LRRC7: variants seen among roughly 807,000 people sequenced by gnomAD.
LRRC7 encodes leucine-rich repeat-containing protein 7.
LRRC7 carries 23 observed loss-of-function variants against 175.7 expected under a neutral mutation model. The ratio of observed to expected loss-of-function variants is 0.13; its 90% CI spans 0.09 to 0.19. The LOEUF (loss-of-function observed/expected upper bound fraction) is 0.19. Ranked by LOEUF, LRRC7 falls within the 10% of genes least tolerant of loss-of-function variation. LRRC7 has a pLI of 1.00. For missense variants in LRRC7, 1,354 were observed against 1,904.7 expected, an observed-to-expected ratio of 0.71 and a Z score of 5.38; for synonymous variants, 685 against 680.9, an observed-to-expected ratio of 1.01 and a Z score of -0.09.
At chr1:69,887,635 G>A (rs1213634606) in intron 7 of LRRC7, among the ~76,000 whole-genome samples, 6 of 152,292 alleles carry the variant, frequency 3.9e-5, no homozygotes, top group South Asian at 2.1e-4. Flanking sequence ...GTCATTCTCT[G>A]TCCAGCTTTG....
In LRRC7 at chr1:70,140,475, T is replaced by C. The variant is rs1571412350; in HGVS notation, c.*18588T>C. 1 of 152,258 alleles carries C rather than the reference T, an allele frequency of 6.6e-6. No homozygotes were observed. The highest frequency in any genetic ancestry group is 1.5e-5 in the Non-Finnish European group (1 of 68,002). 9.4% of individuals were successfully genotyped at this position (152,258 alleles called of 1,614,324 possible). ...ATGTAGAAATCAACTCCCTATCAAT[T>C]TTCTACATTTAATCCTTGGCTTCTT... On this transcript the variant is annotated 3_prime_UTR_variant, in exon 27 of 27. Transcript: ENST00000651989.
intron 17 of LRRC7, among the ~76,000 whole-genome samples, chr1:70,027,201 T>G (rs17097485): frequency 0.24 from 36,675 of 152,082 alleles, 4,470 homozygotes; most frequent in Non-Finnish European, 0.25. Context: ...TGCAAAACAG[T>G]ATTGTTGGAA....
chr1:70,107,122 A>C (rs1665200454), intron 25 of LRRC7, among the ~76,000 whole-genome samples: 1 of 152,240 alleles, frequency 6.6e-6, no homozygotes, highest in South Asian at 2.1e-4. Context: ...CAATGAAATT[A>C]ATTTGACTTT....
intron 3 of LRRC7, among the ~76,000 whole-genome samples, chr1:69,776,474 A>T (rs1437032406): frequency 6.6e-6 from 1 of 152,164 alleles, no homozygotes; most frequent in Non-Finnish European, 1.5e-5. Context: ...TTCTTCCAAA[A>T]TGTATGTGGA....
chr1:69,623,043 G>A (rs1650890423), intron 1 of LRRC7, among the ~76,000 whole-genome samples: 1 of 152,114 alleles, frequency 6.6e-6, no homozygotes, highest in African/African-American at 2.4e-5. Context: ...GTAAATCAGA[G>A]TTCAGGTTTT....
At chr1:70,113,755 T>C (rs1022139173) in intron 26 of LRRC7, among the ~76,000 whole-genome samples, 11 of 152,044 alleles carry the variant, frequency 7.2e-5, no homozygotes, top group Non-Finnish European at 1.6e-4. Flanking sequence ...CATGGTCAAC[T>C]AAGTTTTGAA....
chr1:69,919,274 T>C (rs959612279), intron 7 of LRRC7: 2 of 494,106 alleles, frequency 4.0e-6, no homozygotes, highest in Non-Finnish European at 3.6e-6. Flanking sequence ...CAGCCAAATG[T>C]ATTTGCTAGA....
chr1:69,594,923 A>G lies in LRRC7; in HGVS notation c.2+26282A>G, dbSNP rs531615923. Among the ~76,000 whole-genome samples, 37 of 152,328 alleles carry G rather than the reference A, an allele frequency of 2.4e-4. No homozygotes were observed. The Middle Eastern group carries it at 0.01, about 42-fold the overall frequency. On this transcript the variant is annotated intron_variant, in intron 1 of 26. Transcript: ENST00000651989. ...GAAGACATGCTACCTAAACTATATG[A>G]AAAAATGAAGAGTTTTTCATCAGTC...
intron 8 of LRRC7, among the ~76,000 whole-genome samples, chr1:69,932,197 G>A (rs190439800): frequency 5.3e-4 from 81 of 152,240 alleles, no homozygotes; most frequent in African/African-American, 1.9e-3. Flanking sequence ...AGACGGCTCA[G>A]CTTTCTCTAT....
chr1:69,682,251 G>C (rs186004732), intron 2 of LRRC7, among the ~76,000 whole-genome samples: 64 of 152,170 alleles, frequency 4.2e-4, no homozygotes, highest in African/African-American at 1.5e-3. Context: ...GCACACCCAA[G>C]ATAATTTCAA....
At chr1:69,690,233 C>T (rs1661673766) in intron 2 of LRRC7, among the ~76,000 whole-genome samples, 1 of 152,114 alleles carries the variant, frequency 6.6e-6, no homozygotes, top group Admixed American at 6.6e-5. Flanking sequence ...GCAAATCAGT[C>T]GTTTGTGTAG....
chr1:69,880,459 A>G (rs935289732), intron 7 of LRRC7, among the ~76,000 whole-genome samples: 1 of 152,142 alleles, frequency 6.6e-6, no homozygotes, highest in Non-Finnish European at 1.5e-5. Context: ...TTGGTGTGCT[A>G]TGCAGTCGGA....
chr1:69,911,150 C>A (rs147667905), intron 7 of LRRC7, among the ~76,000 whole-genome samples: 1 of 152,190 alleles, frequency 6.6e-6, no homozygotes. Context: ...TTGCGCTTCC[C>A]AAGTGAGGCA....
intron 7 of LRRC7, among the ~76,000 whole-genome samples, chr1:69,866,483 A>C (rs922253133): frequency 7.9e-5 from 12 of 152,210 alleles, no homozygotes; most frequent in Non-Finnish European, 1.5e-5. Context: ...TGGAAGTTAG[A>C]ATCTGATGGC....
chr1:69,745,858 T>C (rs567174934), intron 2 of LRRC7, among the ~76,000 whole-genome samples: 1 of 151,894 alleles, frequency 6.6e-6, no homozygotes, highest in African/African-American at 2.4e-5. Context: ...TATTTGTACT[T>C]TTCTATAATT....
intron 2 of LRRC7, among the ~76,000 whole-genome samples, chr1:69,752,374 G>A (rs187822260): frequency 1.2e-4 from 19 of 152,272 alleles, no homozygotes; most frequent in Non-Finnish European, 2.9e-5. Context: ...ATCTTGGAAA[G>A]ACTGAACTTT....
intron 4 of LRRC7, among the ~76,000 whole-genome samples, chr1:69,819,058 T>G (rs981321132): frequency 1.3e-5 from 2 of 152,128 alleles, no homozygotes; most frequent in Non-Finnish European, 2.9e-5. Context: ...ATTGATCTTT[T>G]CTGATTTTTC....
At chr1:69,828,734 G>A (rs1680206258) in intron 5 of LRRC7, among the ~76,000 whole-genome samples, 1 of 151,834 alleles carries the variant, frequency 6.6e-6, no homozygotes, top group Non-Finnish European at 1.5e-5. Flanking sequence ...TATGATGTTC[G>A]TTTTATAATT....
chr1:70,029,362 T>G (rs11209585), intron 18 of LRRC7, among the ~76,000 whole-genome samples: 44,116 of 151,948 alleles, frequency 0.29, 7,445 homozygotes, highest in African/African-American at 0.47. Context: ...AGGGTGATTC[T>G]GTTAAAGAGG....
Sources: allele counts gnomAD v4.1 joint callset (sites outside exome capture counted in the v4.1 genomes callset), GRCh38; gene constraint gnomAD v4.1.1; transcripts MANE v1.5; gene names NCBI Gene and HGNC (gene_info 2026-07-23, HGNC 2026-07-21).